The following STAC2 variants were observed in gnomAD, a reference collection of about 807,000 sequenced individuals.
STAC2 encodes SH3 and cysteine-rich domain-containing protein 2.
A neutral mutation model predicts 49.0 loss-of-function variants in STAC2; 36 were observed. The ratio of observed to expected loss-of-function variants is 0.74; its 90% CI spans 0.56 to 0.97. STAC2 has a LOEUF of 0.97. Ranked by LOEUF, STAC2 falls within the 50% of genes least tolerant of loss-of-function variation. STAC2 has a pLI of 0.00. For missense variants in STAC2, 527 were observed against 543.8 expected (o/e 0.97, Z 0.31); for synonymous variants, 239 against 214.7 (o/e 1.11, Z -0.99).
chr17:39,215,722 G>A (rs1051124113), intron 4 of STAC2, among the ~76,000 whole-genome samples: 1 of 151,148 alleles, frequency 6.6e-6, no homozygotes. Context: ...TTTTTTTTTC[G>A]AGACGGAGTC....
At chr17:39,218,818 C>A (rs1034717084) in intron 1 of STAC2, among the ~76,000 whole-genome samples, 1 of 151,668 alleles carries the variant, frequency 6.6e-6, no homozygotes, top group Admixed American at 6.6e-5. Flanking sequence ...GAGGCTGAGG[C>A]GGGAGGGAAT....
Position 39,225,404 on chromosome 17 carries a change from C to G in STAC2, c.90+9G>C, listed in dbSNP as rs543699191. On this transcript the variant is annotated intron_variant, in intron 1 of 10. Transcript: ENST00000333461. The surrounding 1 kb of genome is among the most constrained non-coding windows in gnomAD (Gnocchi z 8.2). ...GGGGCGCGGACAGGCCTTGCGCCCCCCAAGTTACCTTGGTTTCCTGGAGGG... is the reference window on the plus strand; with the variant it reads ...GGGGCGCGGACAGGCCTTGCGCCCCGCAAGTTACCTTGGTTTCCTGGAGGG... 42 of 1,599,066 alleles carry G rather than the reference C, an allele frequency of 2.6e-5. 1 individual carries two copies. In the South Asian group the frequency reaches 4.0e-4, roughly 15 times the overall value.
intron 3 of STAC2, 63 bp downstream of exon 3, chr17:39,217,013 A>T: frequency 6.2e-7 from 1 of 1,606,818 alleles, no homozygotes; most frequent in East Asian, 2.2e-5. Flanking sequence ...AGGGATACTC[A>T]TTCTCCCATG....
chr17:39,224,739 G>A (rs185004627), intron 1 of STAC2, among the ~76,000 whole-genome samples: 151 of 152,276 alleles, frequency 9.9e-4, no homozygotes, highest in Non-Finnish European at 2.0e-3. Context: ...TGTCTTTCTG[G>A]TCTGGAGCCA....
chr17:39,216,121 A>G (rs1350119541), intron 4 of STAC2, among the ~76,000 whole-genome samples: 6 of 151,938 alleles, frequency 3.9e-5, no homozygotes, highest in Non-Finnish European at 5.9e-5. Flanking sequence ...GTCTTCCCTG[A>G]TTTTGCAGAT....
At chr17:39,213,973 C>T (rs1252587489) in intron 8 of STAC2, among the ~76,000 whole-genome samples, 2 of 152,036 alleles carry the variant, frequency 1.3e-5, no homozygotes, top group African/African-American at 2.4e-5. Context: ...CACCGCGCCC[C>T]GCTGGGAGAG....
At position 39,214,233 on chromosome 17, in the gene STAC2, T is replaced by A. The variant is rs774096358; in HGVS notation, c.941A>T (p.Gln314Leu). 6 of 1,613,752 alleles carry A rather than the reference T, an allele frequency of 3.7e-6. No homozygotes were observed. The African/African-American group carries it at 4.0e-5, about 11-fold the overall frequency. The change falls in exon 8 of 11, where the codon CAG becomes CTG. Residue 314 changes from glutamine (Q) to leucine (L), a missense_variant and splice_region_variant. Gln to Leu is a moderately radical substitution (Grantham distance 113, BLOSUM62 -2). Coordinates refer to ENST00000333461, the MANE Select transcript of STAC2 (RefSeq NM_198993.5). ...LPQENNDLALQPGDRIMLVDD... is the reference protein window; with the variant it reads ...LPQENNDLALLPGDRIMLVDD... ...GGGCCAGGTCACAAAGAGGACTTAC[T>A]GCAGAGCCAGATCATTGTTCTCCTG... is the stretch of plus-strand genomic sequence containing the variant.
rs755082747 is a variant in STAC2, at chr17:39,211,277, TTTTC to T, written c.*1011_*1014del. The T allele has an allele frequency of 7.6e-5, 10 of 131,884 alleles. No homozygotes were observed. The highest frequency in any genetic ancestry group is 6.9e-4 in the South Asian group (3 of 4,328). The allele number at this position is 131,884 out of a possible 1,614,324, so 8.2% of individuals were successfully genotyped here. A position where few individuals can be genotyped will look rare whatever the true frequency, so the allele number is the denominator to read the frequency against. ...GTGTCCAGGCAGCTCTTGGGTTTCC[TTTTC>T]TTTCTTTCTTTTTTTTTTTTTGAGA... On this transcript the variant is annotated 3_prime_UTR_variant, in exon 11 of 11. Coordinates refer to ENST00000333461, the MANE Select transcript of STAC2 (RefSeq NM_198993.5).
At chr17:39,214,643 C>T in intron 7 of STAC2, 148 bp downstream of exon 7, 1 of 1,147,034 alleles carries the variant, frequency 8.7e-7, no homozygotes, top group East Asian at 2.6e-5. Flanking sequence ...CATGCCCTCT[C>T]ATCCTGGCAT....
rs1360294537 is a variant in STAC2, at chr17:39,225,445, G to C, written c.58C>G (p.Pro20Ala). Reference protein sequence around the residue: ...EPDDAATHSPPGTVSALQETK... With the variant: ...EPDDAATHSPAGTVSALQETK... ...TCCTGGAGGGCGGAGACGGTCCCTG[G>C]GGGGCTGTGGGTGGCCGCGTCATCC... is the stretch of plus-strand genomic sequence containing the variant. The change falls in exon 1 of 11, where the codon CCA (proline) becomes GCA (alanine). Residue 20 changes from proline (P) to alanine (A), a missense_variant. Transcript: ENST00000333461. This position sits in a 1 kb window ranked among gnomAD's most constrained non-coding sequence, Gnocchi z 8.2. 1 of 1,608,804 alleles carries C rather than the reference G, an allele frequency of 6.2e-7. No homozygotes were observed.
At chr17:39,219,174 G>A (rs999644676) in intron 1 of STAC2, among the ~76,000 whole-genome samples, 3 of 152,080 alleles carry the variant, frequency 2.0e-5, no homozygotes, top group Non-Finnish European at 4.4e-5. Flanking sequence ...CCCCAGCCAC[G>A]AGACTCTCCT....
In STAC2 at chr17:39,225,531, C is replaced by G. The variant is rs1439835313; in HGVS notation, c.-29G>C. 4.4e-6 allele frequency: 7 copies of G among 1,601,192 alleles called. No individual in the cohort carries two copies. The East Asian group carries it at 6.8e-5, about 15-fold the overall frequency. On this transcript the variant is annotated 5_prime_UTR_variant, in exon 1 of 11. Coordinates refer to ENST00000333461, the MANE Select transcript of STAC2 (RefSeq NM_198993.5). The surrounding 1 kb of genome is among the most constrained non-coding windows in gnomAD (Gnocchi z 8.2). ...TCGGGGAGAGGGGAGGAGAGGGTGC[C>G]GAGATCCGACGGCAGGCCCACCGCG...
intron 2 of STAC2, 87 bp downstream of exon 2, chr17:39,217,780 C>A: frequency 1.2e-5 from 16 of 1,353,442 alleles, no homozygotes; most frequent in South Asian, 2.8e-5. Context: ...ACAGCAAGAG[C>A]CCAATAATAT....
In STAC2 at chr17:39,225,398, C is replaced by T. The variant is rs777534221; in HGVS notation, c.90+15G>A. 3.1e-6 allele frequency: 5 copies of T among 1,592,956 alleles called. No individual in the cohort carries two copies. Among genetic ancestry groups the T allele is most frequent in the Middle Eastern group, 3.4e-4 (2 of 5,842 alleles). On this transcript the variant is annotated intron_variant, in intron 1 of 10. Transcript: ENST00000333461. The surrounding 1 kb of genome is among the most constrained non-coding windows in gnomAD (Gnocchi z 8.2). Reference sequence around the variant, plus strand: ...GGGCCCGGGGCGCGGACAGGCCTTGCGCCCCCCAAGTTACCTTGGTTTCCT... The same window carrying T: ...GGGCCCGGGGCGCGGACAGGCCTTGTGCCCCCCAAGTTACCTTGGTTTCCT...
intron 1 of STAC2, among the ~76,000 whole-genome samples, chr17:39,221,048 G>A (rs1486647246): frequency 6.6e-6 from 1 of 151,424 alleles, no homozygotes; most frequent in Non-Finnish European, 1.5e-5. Flanking sequence ...CGCCTGTTTC[G>A]GCCTCCCAAA....
chr17:39,214,069 G>C (rs78588085), intron 8 of STAC2, among the ~76,000 whole-genome samples, 164 bp downstream of exon 8: 1 of 152,028 alleles, frequency 6.6e-6, no homozygotes, highest in East Asian at 1.9e-4. Flanking sequence ...CGGGAGACAC[G>C]ACATTAGCAT....
At chr17:39,217,823 A>C in intron 2 of STAC2, 44 bp downstream of exon 2, 2 of 1,559,564 alleles carry the variant, frequency 1.3e-6, no homozygotes, top group Non-Finnish European at 1.7e-6. Context: ...CCCAGTACCC[A>C]CGCTGGCCCC....
Position 39,211,131 on chromosome 17 carries a change from G to A in STAC2, c.*1161C>T, listed in dbSNP as rs2046350697. Reference sequence around the variant, plus strand: ...GGGCGGCCGGGCAAAGCCTGGGACAGGAACTGACAGTCACAGGCTCCCCTG... The same window carrying A: ...GGGCGGCCGGGCAAAGCCTGGGACAAGAACTGACAGTCACAGGCTCCCCTG... On this transcript the variant is annotated 3_prime_UTR_variant, in exon 11 of 11. Coordinates refer to ENST00000333461, the MANE Select transcript of STAC2 (RefSeq NM_198993.5). The A allele has an allele frequency of 6.6e-6, 1 of 152,594 alleles. No individual in the cohort carries two copies. The highest frequency in any genetic ancestry group is 1.5e-5 in the Non-Finnish European group (1 of 68,128). The allele number at this position is 152,594 out of a possible 1,614,324, so 9.5% of individuals were successfully genotyped here. A position where few individuals can be genotyped will look rare whatever the true frequency, so the allele number is the denominator to read the frequency against.
At position 39,225,538 on chromosome 17, in the gene STAC2, C is replaced by G. The variant is rs1355543673; in HGVS notation, c.-36G>C. ...GAGGGGAGGAGAGGGTGCCGAGATC[C>G]GACGGCAGGCCCACCGCGGGCAGGC... is the stretch of plus-strand genomic sequence containing the variant. On this transcript the variant is annotated 5_prime_UTR_variant, in exon 1 of 11. Transcript: ENST00000333461. The surrounding 1 kb of genome is among the most constrained non-coding windows in gnomAD (Gnocchi z 8.2). The G allele has an allele frequency of 6.3e-7, 1 of 1,592,010 alleles. No individual in the cohort carries two copies. Among genetic ancestry groups the G allele is most frequent in the Non-Finnish European group, 8.6e-7 (1 of 1,165,970 alleles).
Sources: gnomAD v4.1 joint callset for allele counts (sites outside exome capture counted in the v4.1 genomes callset) on GRCh38, gnomAD v4.1.1 for gene constraint, Gnocchi (gnomAD v3.1) non-coding constraint, MANE v1.5 for transcripts, NCBI Gene and HGNC (gene_info 2026-07-23, HGNC 2026-07-21) for gene names.